The following ATXN10 variants were observed in gnomAD, a reference collection of about 807,000 sequenced individuals.
ATXN10 encodes the protein ataxin-10.
A neutral mutation model predicts 52.9 loss-of-function variants in ATXN10; 28 were observed. That is an observed-to-expected ratio of 0.53 (90% CI 0.39 to 0.73). The LOEUF is 0.73. Among genes scored for constraint, ATXN10 ranks in the 30% least tolerant of loss-of-function variants. The pLI is 0.00. For missense variants in ATXN10, 565 were observed against 577.0 expected (o/e 0.98, Z 0.21); for synonymous variants, 226 against 221.5 (o/e 1.02, Z -0.18).
At chr22:45,734,999 C>T (rs1431752678) in intron 7 of ATXN10, among the ~76,000 whole-genome samples, 1 of 151,712 alleles carries the variant, frequency 6.6e-6, no homozygotes, top group Non-Finnish European at 1.5e-5. Context: ...ATTCTCCTGC[C>T]TCAGCCTCCT....
At chr22:45,793,447 A>G (rs1459885620) in intron 9 of ATXN10, 7 of 594,244 alleles carry the variant, frequency 1.2e-5, no homozygotes, top group East Asian at 7.7e-5. Context: ...ATGGTAGCAG[A>G]GTCCACATCT....
Position 45,738,779 on chromosome 22 carries a change from G to T in ATXN10, c.943G>T (p.Val315Leu). The T allele has an allele frequency of 6.2e-7, 1 of 1,614,148 alleles. No homozygotes were observed. Among genetic ancestry groups the T allele is most frequent in the Non-Finnish European group, 8.5e-7 (1 of 1,180,012 alleles). The change falls in exon 8 of 12, where the codon GTG (valine) becomes TTG (leucine). Residue 315 changes from valine (V) to leucine (L), a missense_variant. Coordinates refer to ENST00000252934, the MANE Select transcript of ATXN10 (RefSeq NM_013236.4). ...TCTCGACGTCCTGTGCGAAATGACT[G>T]TGAATACTGAGCTGCTCGGCTATCT... ...RLLDVLCEMT[V>L]NTELLGYLQV...
At chr22:45,729,371 C>T in intron 6 of ATXN10, 54 bp from the exon 7 acceptor site, 2 of 1,569,820 alleles carry the variant, frequency 1.3e-6, no homozygotes, top group Non-Finnish European at 1.8e-6. Context: ...GTATTTTTAG[C>T]ATTGTATAAT....
Position 45,819,425 on chromosome 22 carries a change from C to T in ATXN10, c.1237+12403C>T, listed in dbSNP as rs143965530. Among the ~76,000 whole-genome samples, 204 of 152,346 alleles carry T rather than the reference C, an allele frequency of 1.3e-3. No homozygotes were observed. Among genetic ancestry groups the T allele is most frequent in the African/African-American group, 4.6e-3 (190 of 41,576 alleles). On this transcript the variant is annotated intron_variant, in intron 10 of 11. Coordinates refer to ENST00000252934, the MANE Select transcript of ATXN10 (RefSeq NM_013236.4). The surrounding 1 kb of genome is among the most constrained non-coding windows in gnomAD (Gnocchi z 4.5). ...CACTCTGATTCCACTGAGCCTGTCTCTGCACGGAACGAACACAAAGTTCGG... is the reference window on the plus strand; with the variant it reads ...CACTCTGATTCCACTGAGCCTGTCTTTGCACGGAACGAACACAAAGTTCGG...
rs1927719365 is a variant in ATXN10, at chr22:45,795,898, T to C, written c.1174-11061T>C. The stretch of plus-strand genomic sequence containing the variant: ...CCTCAGGATCCCGTGATGATCACGT[T>C]ATCTGCACAAATTGTTTGTAAAGCA... On this transcript the variant is annotated intron_variant, in intron 9 of 11. Coordinates refer to ENST00000252934, the MANE Select transcript of ATXN10 (RefSeq NM_013236.4). The surrounding 1 kb of genome is among the most constrained non-coding windows in gnomAD (Gnocchi z 4.6). 5.3e-5 allele frequency among the ~76,000 whole-genome samples: 8 copies of C among 152,246 alleles called. No homozygotes were observed. In the South Asian group the frequency reaches 1.4e-3, roughly 28 times the overall value.
At chr22:45,687,674 T>C (rs1364584149) in intron 1 of ATXN10, among the ~76,000 whole-genome samples, 2 of 152,220 alleles carry the variant, frequency 1.3e-5, no homozygotes, top group Non-Finnish European at 2.9e-5. Context: ...TGATCAGCCT[T>C]AGCATTCTTC....
At position 45,672,092 on chromosome 22, in the gene ATXN10, G is replaced by C. The variant is rs528137932; in HGVS notation, c.29G>C (p.Arg10Thr). 6.5e-7 allele frequency: 1 copy of C among 1,538,816 alleles called. No individual in the cohort carries two copies. The highest frequency in any genetic ancestry group is 8.7e-7 in the Non-Finnish European group (1 of 1,145,402). The change falls in exon 1 of 12, where the codon AGG (arginine) becomes ACG (threonine). Residue 10 changes from arginine (R) to threonine (T), a missense_variant. Coordinates refer to ENST00000252934, the MANE Select transcript of ATXN10 (RefSeq NM_013236.4). ...GCGGCGCCCAGGCCGCCGCCTGCCA[G>C]GCTGTCGGGCGTCATGGTGCCGGCG... Reference protein sequence around the residue: MAAPRPPPARLSGVMVPAPI... With the variant: MAAPRPPPATLSGVMVPAPI...
rs1013503127 is a variant in ATXN10 at position 45,684,299 on chromosome 22, A to G, written c.117-5413A>G. Among the ~76,000 whole-genome samples the G allele has an allele frequency of 2.0e-5, 3 of 152,142 alleles. No individual in the cohort carries two copies. Among genetic ancestry groups the G allele is most frequent in the African/African-American group, 7.2e-5 (3 of 41,418 alleles). The stretch of plus-strand genomic sequence containing the variant: ...CACAGTGCGTTTGTTCTGATGAAAG[A>G]TGAATTTTCAATGTGATGAGGACAG... On this transcript the variant is annotated intron_variant, in intron 1 of 11. Transcript: ENST00000252934. This position sits in a 1 kb window ranked among gnomAD's most constrained non-coding sequence, Gnocchi z 4.1.
At chr22:45,791,219 G>T (rs1927497571) in intron 9 of ATXN10, among the ~76,000 whole-genome samples, 1 of 152,130 alleles carries the variant, frequency 6.6e-6, no homozygotes, top group African/African-American at 2.4e-5. Flanking sequence ...CTGATAGTAA[G>T]ACTGAAATAC....
intron 9 of ATXN10, among the ~76,000 whole-genome samples, chr22:45,778,166 G>A (rs1290858090): frequency 6.6e-6 from 1 of 152,164 alleles, no homozygotes; most frequent in East Asian, 1.9e-4. Context: ...AAAAAACTCA[G>A]TAGTTTGAAT....
chr22:45,818,479 A>T lies in ATXN10; in HGVS notation c.1237+11457A>T, dbSNP rs531202429. On this transcript the variant is annotated intron_variant, in intron 10 of 11. Coordinates refer to ENST00000252934, the MANE Select transcript of ATXN10 (RefSeq NM_013236.4). This position sits in a 1 kb window ranked among gnomAD's most constrained non-coding sequence, Gnocchi z 4.6. ...GTTAAAAGCAAGACTCTGCATGCTT[A>T]TTCTCACATCAGTCAGAAGACGCCA... 6.6e-6 allele frequency among the ~76,000 whole-genome samples: 1 copy of T among 152,250 alleles called. No homozygotes were observed. The highest frequency in any genetic ancestry group is 1.5e-5 in the Non-Finnish European group (1 of 68,028).
intron 9 of ATXN10, among the ~76,000 whole-genome samples, chr22:45,747,920 A>T (rs1925797493): frequency 6.6e-6 from 1 of 151,916 alleles, no homozygotes; most frequent in African/African-American, 2.4e-5. Flanking sequence ...CCATCTCTAA[A>T]AAAATAAAAT....
rs117022544 is a variant in ATXN10, at chr22:45,753,330, T to C, written c.1173+12792T>C. Among the ~76,000 whole-genome samples, 784 of 150,910 alleles carry C rather than the reference T, an allele frequency of 5.2e-3. 4 individuals are homozygous for C. Among genetic ancestry groups the C allele is most frequent in the Non-Finnish European group, 7.9e-3 (535 of 67,724 alleles). On this transcript the variant is annotated intron_variant, in intron 9 of 11. Coordinates refer to ENST00000252934, the MANE Select transcript of ATXN10 (RefSeq NM_013236.4). ...TTGTATTCACAGAGCGATTTGCTTT[T>C]GTTTTCATCTCCTCGGGTCCTAGAG... is the stretch of plus-strand genomic sequence containing the variant.
intron 9 of ATXN10, among the ~76,000 whole-genome samples, chr22:45,802,786 C>G (rs1489641501): frequency 6.6e-6 from 1 of 152,170 alleles, no homozygotes; most frequent in Non-Finnish European, 1.5e-5. Flanking sequence ...CAAAGAACAT[C>G]TTACCCATTT....
intron 5 of ATXN10, among the ~76,000 whole-genome samples, chr22:45,707,622 A>G (rs1176966286): frequency 6.7e-6 from 1 of 149,830 alleles, no homozygotes; most frequent in South Asian, 2.1e-4. Flanking sequence ...AGGGCAAAAT[A>G]TAAAATCTGT....
intron 7 of ATXN10, chr22:45,738,436 GGAA>G (rs1158462016): frequency 2.9e-6 from 1 of 348,352 alleles, no homozygotes; most frequent in African/African-American, 2.1e-5. Context: ...TTCCACTGTT[GGAA>G]TGTCTTTTTG....
intron 3 of ATXN10, among the ~76,000 whole-genome samples, chr22:45,695,282 G>A (rs1046390103): frequency 8.2e-5 from 12 of 147,064 alleles, no homozygotes; most frequent in Non-Finnish European, 1.6e-4. Flanking sequence ...CGAGATTGCC[G>A]CCACTGAACT....
chr22:45,773,309 A>C (rs1384226257), intron 9 of ATXN10, among the ~76,000 whole-genome samples: 1 of 152,018 alleles, frequency 6.6e-6, no homozygotes, highest in Non-Finnish European at 1.5e-5. Flanking sequence ...CTTCTTTTCC[A>C]ATTTGTATGC....
intron 9 of ATXN10, among the ~76,000 whole-genome samples, chr22:45,802,408 A>C (rs1022899296): frequency 6.6e-6 from 1 of 152,206 alleles, no homozygotes; most frequent in Non-Finnish European, 1.5e-5. Context: ...TATAGCAGTA[A>C]ACTTGGACTT....
Sources: gnomAD v4.1 joint callset for allele counts (sites outside exome capture counted in the v4.1 genomes callset) on GRCh38, gnomAD v4.1.1 for gene constraint, Gnocchi (gnomAD v3.1) non-coding constraint, MANE v1.5 for transcripts, NCBI Gene and HGNC (gene_info 2026-07-23, HGNC 2026-07-21) for gene names.